Variants in KIAA0232 observed in about 807,000 individuals in gnomAD.
KIAA0232 encodes the protein KIAA0232, also known as uncharacterized protein KIAA0232.
A neutral mutation model predicts 122.0 loss-of-function variants in KIAA0232; 27 were observed. The observed-to-expected ratio is 0.22, with a 90% CI of 0.16 to 0.31. The LOEUF (loss-of-function observed/expected upper bound fraction) is 0.31, where lower values mean the gene tolerates loss of function less well. KIAA0232 is among the 10% of genes least tolerant of loss of function. The pLI is 1.00. For synonymous variants in KIAA0232, 613 were observed against 587.6 expected (o/e 1.04, Z -0.63); for missense variants, 1,551 against 1,634.2 (o/e 0.95, Z 0.88).
At chr4:6,800,263 TG>T (rs1196836010) in intron 1 of KIAA0232, among the ~76,000 whole-genome samples, 1 of 149,588 alleles carries the variant, frequency 6.7e-6, no homozygotes, top group Non-Finnish European at 1.5e-5. Flanking sequence ...TCACCATTTT[TG>T]CCAGGCTGGT....
intron 9 of KIAA0232, among the ~76,000 whole-genome samples, chr4:6,877,240 C>T (rs528134899): frequency 1.0e-3 from 152 of 152,294 alleles, no homozygotes; most frequent in African/African-American, 3.3e-3. Context: ...ACTCTGTGCA[C>T]GACTCTTCTT....
At chr4:6,836,592 G>A (rs868641196) in intron 3 of KIAA0232, among the ~76,000 whole-genome samples, 5 of 142,884 alleles carry the variant, frequency 3.5e-5, no homozygotes, top group Admixed American at 7.2e-5. Flanking sequence ...GGTGTTTCTC[G>A]GAGAGGGGGA....
At chr4:6,800,572 G>A (rs1177258506) in intron 1 of KIAA0232, among the ~76,000 whole-genome samples, 5 of 151,494 alleles carry the variant, frequency 3.3e-5, no homozygotes, top group Non-Finnish European at 5.9e-5. Flanking sequence ...TCCCAGCTAC[G>A]CAGGAGGCTG....
At position 6,821,686 on chromosome 4, in the gene KIAA0232, A is replaced by ATG. The variant is rs55875976; in HGVS notation, c.-269-2481_-269-2480dup. Among the ~76,000 whole-genome samples the ATG allele has an allele frequency of 1.5e-3, 225 of 150,114 alleles. 5 individuals carry two copies. The South Asian group carries it at 0.021, about 14-fold the overall frequency. On this transcript the variant is annotated intron_variant, in intron 2 of 9. Coordinates refer to ENST00000307659, the MANE Select transcript of KIAA0232 (RefSeq NM_014743.3). ...TGTGTATACATATATACATGTATAT[A>ATG]TGTGTGTGTGTGTGTGTGTATATAT...
At chr4:6,809,976 A>C (rs1359679269) in intron 2 of KIAA0232, among the ~76,000 whole-genome samples, 1 of 152,224 alleles carries the variant, frequency 6.6e-6, no homozygotes, top group Non-Finnish European at 1.5e-5. Flanking sequence ...GATTGGAAGA[A>C]TTAATATCAT....
intron 1 of KIAA0232, among the ~76,000 whole-genome samples, chr4:6,801,297 C>T (rs1461334365): frequency 6.6e-6 from 1 of 152,110 alleles, no homozygotes; most frequent in Non-Finnish European, 1.5e-5. Context: ...TAGTGGCTAC[C>T]ATATTCATTG....
chr4:6,871,414 AC>A (rs1721476602), intron 7 of KIAA0232, among the ~76,000 whole-genome samples, 159 bp from the exon 8 acceptor site: 1 of 152,226 alleles, frequency 6.6e-6, no homozygotes, highest in Non-Finnish European at 1.5e-5. Flanking sequence ...AGCCTGAGTG[AC>A]AGAGCCAGAC....
chr4:6,842,276 A>G (rs1560187275), intron 4 of KIAA0232, 72 bp downstream of exon 4: 2 of 1,461,108 alleles, frequency 1.4e-6, no homozygotes, highest in Middle Eastern at 1.9e-4. Context: ...AAATATGACA[A>G]CTTGACCTCC....
rs772446298 is a variant in KIAA0232 at position 6,861,090 on chromosome 4, C to T, written c.708C>T (p.Ser236=). ...AAAGTGAAGTCACCAAGGAAAGAAG[C>T]AGTGAAGTACCCACCACTGTGCATG... ...NSESEVTKER[S]SEVPTTVHEK... Residue 236 remains serine, a synonymous_variant, in exon 7 of 10, where the codon AGC becomes AGT. Transcript: ENST00000307659. 1 of 1,614,160 alleles carries T rather than the reference C, an allele frequency of 6.2e-7. No homozygotes were observed. Among genetic ancestry groups the T allele is most frequent in the East Asian group, 2.2e-5 (1 of 44,878 alleles).
chr4:6,836,612 G>A (rs1719294830), intron 3 of KIAA0232, among the ~76,000 whole-genome samples: 1 of 149,142 alleles, frequency 6.7e-6, no homozygotes, highest in African/African-American at 2.5e-5. Flanking sequence ...ATTTGGCAGG[G>A]TCGTAGGACA....
rs546715356 is a variant in KIAA0232, at chr4:6,786,972, A to G, written c.-354+4131A>G. On this transcript the variant is annotated intron_variant, in intron 1 of 9. Transcript: ENST00000307659. ...CCGAGGCGGGCGGATCATGAGGTCA[A>G]GAGAGTGAGACCATCCTGGCCAACA... Among the ~76,000 whole-genome samples, 486 of 152,100 alleles carry G rather than the reference A, an allele frequency of 3.2e-3. 2 individuals carry two copies. Among genetic ancestry groups the G allele is most frequent in the African/African-American group, 0.012 (481 of 41,478 alleles).
intron 1 of KIAA0232, among the ~76,000 whole-genome samples, chr4:6,783,865 C>T (rs1716485723): frequency 6.6e-6 from 1 of 152,208 alleles, no homozygotes; most frequent in African/African-American, 2.4e-5. Flanking sequence ...CAACAATACG[C>T]GTCTGCAGCC....
chr4:6,876,090 C>T (rs1425430327), intron 8 of KIAA0232, among the ~76,000 whole-genome samples: 1 of 152,136 alleles, frequency 6.6e-6, no homozygotes, highest in Non-Finnish European at 1.5e-5. Context: ...TTTTGTGGGG[C>T]CATTTGCCTG....
intron 7 of KIAA0232, among the ~76,000 whole-genome samples, chr4:6,870,870 G>C (rs1721442476): frequency 6.6e-6 from 1 of 151,816 alleles, no homozygotes; most frequent in Non-Finnish European, 1.5e-5. Flanking sequence ...CTGAATGTAT[G>C]AGGGAGAAGA....
intron 2 of KIAA0232, among the ~76,000 whole-genome samples, chr4:6,807,940 C>T (rs770660622): frequency 6.6e-6 from 1 of 152,152 alleles, no homozygotes; most frequent in Non-Finnish European, 1.5e-5. Flanking sequence ...TGGTGATGTG[C>T]ACCTGTAGTC....
chr4:6,866,376 C>T (rs191766761), intron 7 of KIAA0232: 1 of 190,354 alleles, frequency 5.3e-6, no homozygotes, highest in African/African-American at 2.4e-5. Flanking sequence ...TAGATGTTGT[C>T]AGCACTGCTC....
Position 6,861,736 on chromosome 4 carries a change from A to G in KIAA0232, c.1354A>G (p.Asn452Asp), listed in dbSNP as rs548317721. 2 of 1,614,192 alleles carry G rather than the reference A, an allele frequency of 1.2e-6. No individual in the cohort carries two copies. The highest frequency in any genetic ancestry group is 2.7e-5 in the African/African-American group (2 of 75,058). The change falls in exon 7 of 10, where the codon AAC (asparagine) becomes GAC (aspartate). Residue 452 changes from asparagine (N) to aspartate (D), a missense_variant. By Grantham distance (23) the Asn-to-Asp change is conservative. Around this residue, in one of 5 missense-constraint regions of KIAA0232, gnomAD observed 1,108 missense variants for 1,154.8 expected, o/e 0.96. Coordinates refer to ENST00000307659, the MANE Select transcript of KIAA0232 (RefSeq NM_014743.3). ...ATCAGTGCATGGTCTTTGTATCAGCAACAATAATCTTCATAAAACATACCT... is the reference window on the plus strand; with the variant it reads ...ATCAGTGCATGGTCTTTGTATCAGCGACAATAATCTTCATAAAACATACCT... The part of the protein sequence containing the change: ...SESVHGLCIS[N>D]NNLHKTYLAA...
At chr4:6,835,503 A>G (rs532625363) in intron 3 of KIAA0232, among the ~76,000 whole-genome samples, 3 of 152,264 alleles carry the variant, frequency 2.0e-5, no homozygotes, top group African/African-American at 4.8e-5. Flanking sequence ...GTTCTAGAGT[A>G]CATATGCACA....
chr4:6,810,141 C>A (rs1364801457), intron 2 of KIAA0232, among the ~76,000 whole-genome samples: 1 of 152,086 alleles, frequency 6.6e-6, no homozygotes, highest in African/African-American at 2.4e-5. Flanking sequence ...CCAAAAAGAA[C>A]AAAGCTGGGG....
Sources: gnomAD v4.1 joint callset for allele counts (sites outside exome capture counted in the v4.1 genomes callset) on GRCh38, gnomAD v4.1.1 for gene constraint, gnomAD v4.1.1 regional missense constraint, MANE v1.5 for transcripts, NCBI Gene and HGNC (gene_info 2026-07-23, HGNC 2026-07-21) for gene names.